The following ANK2 variants were observed in gnomAD, a reference collection of about 807,000 sequenced individuals.
The protein encoded by ANK2 is ankyrin-2.
ANK2 carries 83 observed loss-of-function variants against 360.5 expected under a neutral mutation model. The observed-to-expected ratio is 0.23, with a 90% CI of 0.19 to 0.28. The LOEUF is 0.28. Among genes scored for constraint, ANK2 ranks in the 10% least tolerant of loss-of-function variants. ANK2 has a pLI of 1.00. For missense variants in ANK2, 4,201 were observed against 4,795.7 expected (o/e 0.88, Z 3.66); for synonymous variants, 1,740 against 1,759.5 (o/e 0.99, Z 0.28).
intron 2 of ANK2, among the ~76,000 whole-genome samples, chr4:112,975,081 C>A (rs1289770459): frequency 6.6e-6 from 1 of 152,164 alleles, no homozygotes; most frequent in African/African-American, 2.4e-5. Context: ...TTTCATATAT[C>A]ACGTTGCTTT....
At chr4:113,255,992 A>G (rs1173935417) in intron 11 of ANK2, 60 bp downstream of exon 11, 6 of 1,549,838 alleles carry the variant, frequency 3.9e-6, no homozygotes, top group East Asian at 2.2e-5. Flanking sequence ...ACCCACATTC[A>G]TTGACCAACA....
chr4:112,735,311 G>A, the ANK2 span, among the ~76,000 whole-genome samples: 1 of 151,950 alleles, frequency 6.6e-6, no homozygotes, highest in South Asian at 2.1e-4. Flanking sequence ...AGGCTGGGTG[G>A]CAGAGAGATA....
At chr4:112,937,344 T>G (rs1011119540) in intron 2 of ANK2, among the ~76,000 whole-genome samples, 4 of 139,726 alleles carry the variant, frequency 2.9e-5, no homozygotes, top group Admixed American at 7.0e-5. Flanking sequence ...TTTTTTTTTT[T>G]GAGACACAGT....
chr4:112,874,329 C>T (rs937492045), intron 1 of ANK2, among the ~76,000 whole-genome samples: 7 of 144,424 alleles, frequency 4.8e-5, no homozygotes, highest in African/African-American at 1.5e-4. Flanking sequence ...GTAATCCGAT[C>T]GCCTCAGCCT....
chr4:112,971,250 C>A (rs2154266247), intron 2 of ANK2, among the ~76,000 whole-genome samples: 1 of 152,208 alleles, frequency 6.6e-6, no homozygotes, highest in Admixed American at 6.5e-5. Flanking sequence ...GGTTAATGCC[C>A]AACAGAGCCA....
At chr4:113,337,135 A>T (rs1478000499) in intron 31 of ANK2, among the ~76,000 whole-genome samples, 1 of 152,200 alleles carries the variant, frequency 6.6e-6, no homozygotes, top group Non-Finnish European at 1.5e-5. Flanking sequence ...CCACACCCAT[A>T]TGTCTCCAAA....
At chr4:113,284,718 A>G (rs2063719861) in intron 18 of ANK2, among the ~76,000 whole-genome samples, 1 of 152,210 alleles carries the variant, frequency 6.6e-6, no homozygotes, top group South Asian at 2.1e-4. Flanking sequence ...AACACATAGT[A>G]TGTTTATCAC....
At chr4:113,352,206 C>T (rs2095456482) in intron 37 of ANK2, among the ~76,000 whole-genome samples, 4 of 152,188 alleles carry the variant, frequency 2.6e-5, no homozygotes, top group Admixed American at 1.3e-4. Context: ...GTGTGTGTCC[C>T]GTGTGACTGT....
At position 113,101,794 on chromosome 4, in the gene ANK2, G is replaced by C. The variant is rs184195756; in HGVS notation, c.84+51982G>C. 1.5e-4 allele frequency among the ~76,000 whole-genome samples: 23 copies of C among 152,252 alleles called. No homozygotes were observed. The East Asian group carries it at 4.3e-3, about 28-fold the overall frequency. On this transcript the variant is annotated intron_variant, in intron 1 of 45. Coordinates refer to ENST00000357077, the MANE Select transcript of ANK2 (RefSeq NM_001148.6). The stretch of plus-strand genomic sequence containing the variant: ...GGAGACCTGGTTTGGCTTGAGTTGG[G>C]AATGCATTAAGGGAGGCTTCTATGA...
At position 112,923,870 on chromosome 4, in the gene ANK2, C is replaced by T. The variant is rs529510172; in HGVS notation, c.21+19356C>T. 3.3e-5 allele frequency among the ~76,000 whole-genome samples: 5 copies of T among 152,268 alleles called. No individual in the cohort carries two copies. In the South Asian group the frequency reaches 1.0e-3, roughly 32 times the overall value. On this transcript the variant is annotated intron_variant, in intron 2 of 30. Transcript: ENST00000503271. ...CCAGAAGGAAATGATCTCTGAAATTCAGCACAGATTTTAAAATAATAATTC... is the reference window on the plus strand; with the variant it reads ...CCAGAAGGAAATGATCTCTGAAATTTAGCACAGATTTTAAAATAATAATTC...
At chr4:113,006,923 G>C (rs187329043) in intron 2 of ANK2, among the ~76,000 whole-genome samples, 1 of 151,938 alleles carries the variant, frequency 6.6e-6, no homozygotes, top group Non-Finnish European at 1.5e-5. Flanking sequence ...TGAAAATTTT[G>C]TACTTTAAAA....
chr4:112,950,384 C>G (rs867398687), intron 2 of ANK2, among the ~76,000 whole-genome samples: 2 of 152,156 alleles, frequency 1.3e-5, no homozygotes, highest in African/African-American at 4.8e-5. Flanking sequence ...GTGGCTCACG[C>G]CCGTAATCCC....
chr4:113,204,750 A>G (rs1277841168), intron 4 of ANK2, among the ~76,000 whole-genome samples: 1 of 152,030 alleles, frequency 6.6e-6, no homozygotes, highest in Non-Finnish European at 1.5e-5. Flanking sequence ...TACACCTTCT[A>G]CTTGAATTAG....
In ANK2 at chr4:113,098,148, A is replaced by G. The variant is rs144472013; in HGVS notation, c.84+48336A>G. Among the ~76,000 whole-genome samples the G allele has an allele frequency of 3.8e-3, 580 of 151,776 alleles. 4 individuals are homozygous for G. The highest frequency in any genetic ancestry group is 0.013 in the African/African-American group (552 of 41,532). On this transcript the variant is annotated intron_variant, in intron 1 of 45. Coordinates refer to ENST00000357077, the MANE Select transcript of ANK2 (RefSeq NM_001148.6). Reference sequence around the variant, plus strand: ...ATCCATCAATCTAAGCTTTTATCATAGAAAACTAGAGAAGATAAAGAACTA... The same window carrying G: ...ATCCATCAATCTAAGCTTTTATCATGGAAAACTAGAGAAGATAAAGAACTA...
chr4:112,720,168 T>C, the ANK2 span, among the ~76,000 whole-genome samples: 1 of 152,204 alleles, frequency 6.6e-6, no homozygotes, highest in Non-Finnish European at 1.5e-5. Context: ...CTCACATATT[T>C]ATATTTCTTC....
At chr4:113,108,240 G>A (rs1721776345) in intron 1 of ANK2, among the ~76,000 whole-genome samples, 1 of 152,102 alleles carries the variant, frequency 6.6e-6, no homozygotes, top group Non-Finnish European at 1.5e-5. Context: ...CAATCTGATT[G>A]TAGAACTTCT....
chr4:113,071,187 C>G (rs2077417616), intron 1 of ANK2, among the ~76,000 whole-genome samples: 1 of 152,178 alleles, frequency 6.6e-6, no homozygotes, highest in African/African-American at 2.4e-5. Flanking sequence ...TAAAACAAAA[C>G]CTACATGCAA....
the ANK2 span, among the ~76,000 whole-genome samples, chr4:112,718,744 T>G: frequency 6.6e-6 from 1 of 152,234 alleles, no homozygotes; most frequent in Non-Finnish European, 1.5e-5. Flanking sequence ...TTCAAGTGAT[T>G]CATCTGCCTC....
intron 2 of ANK2, among the ~76,000 whole-genome samples, chr4:112,918,153 G>A (rs144547067): frequency 7.5e-4 from 114 of 152,234 alleles, no homozygotes; most frequent in African/African-American, 2.7e-3. Flanking sequence ...AGGTAAATGG[G>A]TTTTATTACA....
Sources: gnomAD v4.1 joint callset for allele counts (sites outside exome capture counted in the v4.1 genomes callset) on GRCh38, gnomAD v4.1.1 for gene constraint, MANE v1.5 for transcripts, NCBI Gene and HGNC (gene_info 2026-07-23, HGNC 2026-07-21) for gene names.